ATRNL1: variants seen among roughly 807,000 people sequenced by gnomAD.
ATRNL1 encodes the protein attractin like 1, also known as attractin-like protein 1.
In ATRNL1, 95 loss-of-function variants were observed where a neutral mutation model predicts 182.7. That is an observed-to-expected ratio of 0.52 (90% confidence interval 0.44 to 0.62). The LOEUF is 0.62. Ranked by LOEUF, ATRNL1 falls within the 20% of genes least tolerant of loss-of-function variation. The pLI, the probability that ATRNL1 is intolerant of heterozygous loss-of-function variation, is 0.00. For synonymous variants in ATRNL1, 576 were observed against 568.3 expected (o/e 1.01, Z -0.19); for missense variants, 1,471 against 1,679.5 (o/e 0.88, Z 2.17).
chr10:115,687,181 C>T (rs973279973), intron 26 of ATRNL1, among the ~76,000 whole-genome samples: 54 of 151,996 alleles, frequency 3.6e-4, no homozygotes, highest in African/African-American at 1.3e-3. Flanking sequence ...TATAATTATA[C>T]ATATAATTGT....
chr10:115,519,821 T>C (rs1005165945), intron 25 of ATRNL1, among the ~76,000 whole-genome samples: 6 of 152,182 alleles, frequency 3.9e-5, no homozygotes, highest in Non-Finnish European at 8.8e-5. Flanking sequence ...GCATTACTTC[T>C]CAAAGCTTTT....
intron 27 of ATRNL1, among the ~76,000 whole-genome samples, chr10:115,787,296 T>TAGAGATTTGCA (rs1949419421): frequency 6.6e-6 from 1 of 152,090 alleles, no homozygotes; most frequent in African/African-American, 2.4e-5. Context: ...CTCTTGAGAG[T>TAGAGATTTGCA]AGAGATTTGC....
intron 10 of ATRNL1, among the ~76,000 whole-genome samples, chr10:115,263,331 T>C (rs1851470453): frequency 6.6e-6 from 1 of 151,674 alleles, no homozygotes; most frequent in Non-Finnish European, 1.5e-5. Context: ...AGGATGGCTA[T>C]GATAAAAAAA....
chr10:115,590,510 G>A (rs986277021), intron 26 of ATRNL1, among the ~76,000 whole-genome samples: 6 of 152,096 alleles, frequency 3.9e-5, no homozygotes, highest in African/African-American at 4.8e-5. Flanking sequence ...TACTAATACT[G>A]TGGAGTAGAG....
At chr10:115,848,519 A>G (rs1950982030) in intron 28 of ATRNL1, among the ~76,000 whole-genome samples, 1 of 152,118 alleles carries the variant, frequency 6.6e-6, no homozygotes, top group Admixed American at 6.6e-5. Flanking sequence ...GCTGGAGTTC[A>G]TGGACCAGGG....
chr10:115,926,189 CAAG>C (rs1463852984), intron 28 of ATRNL1, among the ~76,000 whole-genome samples: 3 of 152,076 alleles, frequency 2.0e-5, no homozygotes, highest in Non-Finnish European at 4.4e-5. Context: ...AGGCAGAAAT[CAAG>C]AAGTTCTTTG....
intron 26 of ATRNL1, among the ~76,000 whole-genome samples, chr10:115,577,641 T>TGA (rs1854806387): frequency 6.6e-6 from 1 of 151,062 alleles, no homozygotes. Flanking sequence ...TGTGTGTGTG[T>TGA]GTGTGTGTGT....
intron 27 of ATRNL1, among the ~76,000 whole-genome samples, chr10:115,816,970 G>A (rs781974264): frequency 6.6e-6 from 1 of 151,996 alleles, no homozygotes; most frequent in Non-Finnish European, 1.5e-5. Flanking sequence ...TAACCTAACT[G>A]TTCCTCTTCC....
intron 28 of ATRNL1, among the ~76,000 whole-genome samples, chr10:115,875,434 T>G (rs545595147): frequency 6.6e-6 from 1 of 152,304 alleles, no homozygotes; most frequent in African/African-American, 2.4e-5. Flanking sequence ...TAAGTTATCC[T>G]GAGGGACAAG....
At chr10:115,444,330 C>T (rs1428149044) in intron 21 of ATRNL1, among the ~76,000 whole-genome samples, 3 of 150,538 alleles carry the variant, frequency 2.0e-5, no homozygotes, top group African/African-American at 7.3e-5. Context: ...TTTTTTGGTG[C>T]AGGGATAGGC....
chr10:115,126,219 A>T (rs1262600327), intron 3 of ATRNL1, among the ~76,000 whole-genome samples: 1 of 151,964 alleles, frequency 6.6e-6, no homozygotes, highest in African/African-American at 2.4e-5. Flanking sequence ...CACCGTGCCC[A>T]CCTGATTTTT....
At chr10:115,179,066 A>G (rs1464505295) in intron 8 of ATRNL1, among the ~76,000 whole-genome samples, 1 of 152,150 alleles carries the variant, frequency 6.6e-6, no homozygotes, top group Non-Finnish European at 1.5e-5. Flanking sequence ...TACGATTTTC[A>G]TCACACTTTC....
chr10:115,512,346 A>G (rs1398441582), intron 24 of ATRNL1, among the ~76,000 whole-genome samples: 1 of 151,918 alleles, frequency 6.6e-6, no homozygotes. Flanking sequence ...TAATACATTA[A>G]GAAATAATAT....
chr10:115,542,771 G>C (rs1225714188), intron 25 of ATRNL1, among the ~76,000 whole-genome samples: 2 of 152,118 alleles, frequency 1.3e-5, no homozygotes, highest in African/African-American at 4.8e-5. Context: ...CCAGAGGGTA[G>C]ACAGTTCAAG....
At chr10:115,481,746 A>C (rs1278938631) in intron 24 of ATRNL1, among the ~76,000 whole-genome samples, 1 of 150,908 alleles carries the variant, frequency 6.6e-6, no homozygotes, top group African/African-American at 2.4e-5. Flanking sequence ...ATCTCAGGAC[A>C]GCTTCCTGAG....
At chr10:115,700,591 A>G (rs1374221825) in intron 26 of ATRNL1, among the ~76,000 whole-genome samples, 2 of 152,084 alleles carry the variant, frequency 1.3e-5, no homozygotes, top group Admixed American at 6.6e-5. Flanking sequence ...TAGATTCTGC[A>G]TATTAGACCT....
At chr10:115,435,523 A>G (rs1405758107) in intron 21 of ATRNL1, among the ~76,000 whole-genome samples, 1 of 152,192 alleles carries the variant, frequency 6.6e-6, no homozygotes, top group East Asian at 1.9e-4. Context: ...ATTACCCAGT[A>G]TGTGGTATTT....
At chr10:115,615,534 T>C (rs2133789482) in intron 26 of ATRNL1, among the ~76,000 whole-genome samples, 1 of 152,282 alleles carries the variant, frequency 6.6e-6, no homozygotes, top group Non-Finnish European at 1.5e-5. Context: ...ATGCTTGATA[T>C]GGTTTGGATC....
At chr10:115,269,265 G>A (rs553457870) in intron 13 of ATRNL1, among the ~76,000 whole-genome samples, 3 of 152,312 alleles carry the variant, frequency 2.0e-5, no homozygotes, top group African/African-American at 7.2e-5. Context: ...TCTATGTTAT[G>A]TAGAAGATAT....
Sources: allele counts gnomAD v4.1 joint callset (sites outside exome capture counted in the v4.1 genomes callset), GRCh38; gene constraint gnomAD v4.1.1; transcripts MANE v1.5; gene names NCBI Gene and HGNC (gene_info 2026-07-23, HGNC 2026-07-21).